ERICH3: variants seen among roughly 807,000 people sequenced by gnomAD.
ERICH3 encodes glutamate-rich protein 3.
A neutral mutation model predicts 131.1 loss-of-function variants in ERICH3; 126 were observed. That is an observed-to-expected ratio of 0.96 (90% CI 0.83 to 1.11). ERICH3 has a LOEUF of 1.11. Ranked by LOEUF, ERICH3 falls within the 50% of genes most tolerant of loss-of-function variation. The pLI, the probability that ERICH3 is intolerant of heterozygous loss-of-function variation, is 0.00. For missense variants in ERICH3, 2,050 were observed against 1,810.7 expected (o/e 1.13, Z -2.40); for synonymous variants, 695 against 644.6 (o/e 1.08, Z -1.18).
rs377253683 is a variant in ERICH3 at position 74,631,811 on chromosome 1, T to C, written c.721A>G (p.Thr241Ala). 6.8e-6 allele frequency: 11 copies of C among 1,613,488 alleles called. No individual in the cohort carries two copies. Among genetic ancestry groups the C allele is most frequent in the Admixed American group, 6.7e-5 (4 of 59,950 alleles). The change falls in exon 7 of 15, where the codon ACT becomes GCT. Residue 241 changes from threonine (T) to alanine (A), a missense_variant. Transcript: ENST00000326665. Reference sequence around the variant, plus strand: ...CTATTTTCTCTTGTGATTTTCCCAGTTGGGGGAAGTGGAGGAGGAATAGGC... The same window carrying C: ...CTATTTTCTCTTGTGATTTTCCCAGCTGGGGGAAGTGGAGGAGGAATAGGC... ...MMPIPPPLPPTGKITRENRSE... is the reference protein window; with the variant it reads ...MMPIPPPLPPAGKITRENRSE...
chr1:74,578,469 C>T (rs905696482), intron 12 of ERICH3: 1 of 152,204 alleles, frequency 6.6e-6, no homozygotes, highest in Admixed American at 6.5e-5. Context: ...AAATACCTGA[C>T]ATTACCATTA....
intron 8 of ERICH3, among the ~76,000 whole-genome samples, chr1:74,613,130 G>A (rs972223749): frequency 6.6e-6 from 1 of 152,284 alleles, no homozygotes; most frequent in African/African-American, 2.4e-5. Context: ...GATTGGACAA[G>A]CTAGATCTAG....
intron 11 of ERICH3, among the ~76,000 whole-genome samples, chr1:74,596,160 A>G (rs1357165516): frequency 6.6e-6 from 1 of 152,104 alleles, no homozygotes; most frequent in African/African-American, 2.4e-5. Context: ...AACAGATTGA[A>G]AAATAGCATG....
chr1:74,594,849 A>G (rs1460540121), intron 11 of ERICH3, among the ~76,000 whole-genome samples: 2 of 152,060 alleles, frequency 1.3e-5, no homozygotes, highest in Admixed American at 1.3e-4. Context: ...TAAATTCACC[A>G]TTTCCTTAAT....
intron 10 of ERICH3, among the ~76,000 whole-genome samples, chr1:74,600,889 A>G (rs978849120): frequency 2.6e-5 from 4 of 151,698 alleles, no homozygotes; most frequent in African/African-American, 7.3e-5. Context: ...GTTATTAGCT[A>G]TTCTGGCTTC....
chr1:74,572,675 C>A lies in ERICH3; in HGVS notation c.3035G>T (p.Ser1012Ile). 2 of 1,614,028 alleles carry A rather than the reference C, an allele frequency of 1.2e-6. No homozygotes were observed. Among genetic ancestry groups the A allele is most frequent in the African/African-American group, 2.7e-5 (2 of 75,000 alleles). Reference sequence around the variant, plus strand: ...CTTTGCAAGGCTTCCTTCCTCAGGGCTGCCCTCCGAAACCTGCATCCGGCT... The same window carrying A: ...CTTTGCAAGGCTTCCTTCCTCAGGGATGCCCTCCGAAACCTGCATCCGGCT... ...EASRMQVSEG[S>I]PEEGSLAKEA... The change falls in exon 14 of 15, where the codon AGC becomes ATC. Residue 1012 changes from serine to isoleucine, a missense_variant. Physicochemically the swap from Ser to Ile is moderately radical, Grantham distance 142. Coordinates refer to ENST00000326665, the MANE Select transcript of ERICH3 (RefSeq NM_001002912.5).
intron 5 of ERICH3, among the ~76,000 whole-genome samples, chr1:74,637,090 C>T (rs938546518): frequency 7.9e-5 from 12 of 152,120 alleles, no homozygotes; most frequent in African/African-American, 2.9e-4. Context: ...CTAGATCTAC[C>T]ATTCACCTTT....
Position 74,571,881 on chromosome 1 carries a change from C to T in ERICH3, c.3829G>A (p.Glu1277Lys). Residue 1277 changes from glutamate to lysine, a missense_variant, in exon 14 of 15, where the codon GAA becomes AAA. Glu to Lys is a moderately conservative substitution (Grantham distance 56). Transcript: ENST00000326665. ...VLRTQEAVAE[E>K]DPIMAEKFRE... ...AACTTTTCTGCCATTATGGGATCTT[C>T]CTCAGCAACAGCTTCCTGGGTCCTT... is the stretch of plus-strand genomic sequence containing the variant. 3 of 1,612,000 alleles carry T rather than the reference C, an allele frequency of 1.9e-6. No homozygotes were observed. Among genetic ancestry groups the T allele is most frequent in the Non-Finnish European group, 2.5e-6 (3 of 1,180,026 alleles).
At chr1:74,607,128 G>A (rs937502906) in intron 9 of ERICH3, among the ~76,000 whole-genome samples, 1 of 151,726 alleles carries the variant, frequency 6.6e-6, no homozygotes, top group Non-Finnish European at 1.5e-5. Context: ...TCTTAATAAC[G>A]TTATCCACAA....
At chr1:74,668,147 A>C (rs545954460) in intron 1 of ERICH3, among the ~76,000 whole-genome samples, 2 of 152,272 alleles carry the variant, frequency 1.3e-5, no homozygotes, top group Admixed American at 1.3e-4. Flanking sequence ...TCTTTATAGC[A>C]GTGTAAGAAT....
intron 1 of ERICH3, among the ~76,000 whole-genome samples, chr1:74,659,783 T>C (rs1646622974): frequency 6.6e-6 from 1 of 152,112 alleles, no homozygotes. Flanking sequence ...AGAACTGAAA[T>C]CTGAACTGGG....
rs115450418 is a variant in ERICH3 at position 74,638,863 on chromosome 1, C to T, written c.445-2425G>A. On this transcript the variant is annotated intron_variant, in intron 5 of 14. Transcript: ENST00000326665. Reference sequence around the variant, plus strand: ...CAACACCCTAAGTTTGGCAGATCAGCAACACAAAGGGAGTCTGGGCTTTTG... The same window carrying T: ...CAACACCCTAAGTTTGGCAGATCAGTAACACAAAGGGAGTCTGGGCTTTTG... Among the ~76,000 whole-genome samples the T allele has an allele frequency of 3.8e-3, 576 of 152,270 alleles. 2 individuals carry two copies. The highest frequency in any genetic ancestry group is 0.013 in the African/African-American group (543 of 41,550).
At chr1:74,583,632 G>T (rs1240042892) in intron 12 of ERICH3, among the ~76,000 whole-genome samples, 1 of 151,958 alleles carries the variant, frequency 6.6e-6, no homozygotes, top group Non-Finnish European at 1.5e-5. Flanking sequence ...GAGGGGTTTG[G>T]GCAGTAGAAA....
chr1:74,591,733 C>T (rs1647615447), intron 11 of ERICH3, among the ~76,000 whole-genome samples: 1 of 152,050 alleles, frequency 6.6e-6, no homozygotes, highest in African/African-American at 2.4e-5. Flanking sequence ...GGAAGCTGGA[C>T]AGCATAAAAA....
In ERICH3 at chr1:74,631,817, G is replaced by A; in HGVS notation, c.715C>T (p.Pro239Ser). Residue 239 changes from proline to serine, a missense_variant, in exon 7 of 15, where the codon CCC becomes TCC. Coordinates refer to ENST00000326665, the MANE Select transcript of ERICH3 (RefSeq NM_001002912.5). ...TCTCTTGTGATTTTCCCAGTTGGGG[G>A]AAGTGGAGGAGGAATAGGCATCATG... ...SYMMPIPPPL[P>S]PTGKITRENR... The A allele has an allele frequency of 6.2e-7, 1 of 1,613,448 alleles. No individual in the cohort carries two copies. Among genetic ancestry groups the A allele is most frequent in the Non-Finnish European group, 8.5e-7 (1 of 1,179,520 alleles).
Position 74,576,942 on chromosome 1 carries a change from T to TAAAAAAAAA in ERICH3, c.2177-15_2177-7dup. The TAAAAAAAAA allele has an allele frequency of 7.3e-7, 1 of 1,375,748 alleles. No homozygotes were observed. Among genetic ancestry groups the TAAAAAAAAA allele is most frequent in the Non-Finnish European group, 9.9e-7 (1 of 1,009,982 alleles). 85.2% of individuals were successfully genotyped at this position (1,375,748 alleles called of 1,614,324 possible). On this transcript the variant is annotated splice_polypyrimidine_tract_variant and splice_region_variant and intron_variant, in intron 12 of 14. Coordinates refer to ENST00000326665, the MANE Select transcript of ERICH3 (RefSeq NM_001002912.5). ...TAATGGCAATGAATCCTTTCCTAGT[T>TAAAAAAAAA]AAAAAAAAAAAAAAGAAAAAAAAGG...
intron 7 of ERICH3, among the ~76,000 whole-genome samples, chr1:74,626,784 A>T (rs968701019): frequency 6.6e-6 from 1 of 152,136 alleles, no homozygotes; most frequent in African/African-American, 2.4e-5. Context: ...AACAGGACAA[A>T]GCAACAGAGT....
intron 7 of ERICH3, among the ~76,000 whole-genome samples, chr1:74,630,052 C>T (rs938699988): frequency 1.3e-5 from 2 of 152,100 alleles, no homozygotes; most frequent in African/African-American, 4.8e-5. Context: ...TTTATATATT[C>T]TTATGGCTTG....
chr1:74,654,654 T>G (rs1471386144), intron 1 of ERICH3, among the ~76,000 whole-genome samples: 1 of 152,094 alleles, frequency 6.6e-6, no homozygotes, highest in African/African-American at 2.4e-5. Context: ...CAATCCCTCA[T>G]GATCTGATTA....
Sources: gnomAD v4.1 joint callset for allele counts (sites outside exome capture counted in the v4.1 genomes callset) on GRCh38, gnomAD v4.1.1 for gene constraint, MANE v1.5 for transcripts, NCBI Gene and HGNC (gene_info 2026-07-23, HGNC 2026-07-21) for gene names.